Variants in LBHD2 observed in about 807,000 individuals in gnomAD.
The protein encoded by LBHD2 is LBH domain containing 2.
In LBHD2 at chr14:103,084,225, C is replaced by G. The variant is rs1207898092; in HGVS notation, c.-160C>G. The stretch of plus-strand genomic sequence containing the variant: ...AGAGCGAGCCGGGAGAGCGCGGAGC[C>G]AGCGGAGCGCGGAGGCCCCAGCGCC... On this transcript the variant is annotated 5_prime_UTR_variant, in exon 1 of 4. Transcript: ENST00000634353. 1 of 152,216 alleles carries G rather than the reference C, an allele frequency of 6.6e-6. No homozygotes were observed. The highest frequency in any genetic ancestry group is 1.5e-5 in the Non-Finnish European group (1 of 68,150). The allele number at this position is 152,216 out of a possible 1,614,324, so 9.4% of individuals were successfully genotyped here. A position where few individuals can be genotyped will look rare whatever the true frequency, so the allele number is the denominator to read the frequency against.
rs1026710985 is a variant in LBHD2 at position 103,085,992 on chromosome 14, T to C, written c.-21T>C. 8 of 398,506 alleles carry C rather than the reference T, an allele frequency of 2.0e-5. No homozygotes were observed. The highest frequency in any genetic ancestry group is 1.4e-4 in the African/African-American group (7 of 48,610). The allele number at this position is 398,506 out of a possible 1,614,324, so 24.7% of individuals were successfully genotyped here. On this transcript the variant is annotated 5_prime_UTR_variant, in exon 2 of 4. Transcript: ENST00000634353. ...TGCTCCCAGTCCTCGTGCAGCTTAG[T>C]GGCGCAGTGGCGGCAGCAGCATGAG... is the stretch of plus-strand genomic sequence containing the variant.
chr14:103,087,129 C>T (rs2139446413), intron 2 of LBHD2, among the ~76,000 whole-genome samples: 1 of 152,354 alleles, frequency 6.6e-6, no homozygotes, highest in Non-Finnish European at 1.5e-5. Flanking sequence ...GCTCTGCTGT[C>T]CTCTGACAGC....
At position 103,086,080 on chromosome 14, in the gene LBHD2, A is replaced by G; in HGVS notation, c.68A>G (p.Lys23Arg). Reference protein sequence around the residue: ...AAEGAGGPEGKAVAGAWEKGP... With the variant: ...AAEGAGGPEGRAVAGAWEKGP... ...GAGGGGGCTGGAGGCCCAGAAGGGA[A>G]GGTATGCGCTCGGGACCCTGGGGGG... is the stretch of plus-strand genomic sequence containing the variant. The change falls in exon 2 of 4, where the codon AAG (lysine) becomes AGG (arginine). Residue 23 changes from lysine to arginine, a missense_variant and splice_region_variant. Physicochemically the swap from Lys to Arg is conservative, Grantham distance 26. Transcript: ENST00000634353. 5.0e-6 allele frequency: 2 copies of G among 396,444 alleles called. No homozygotes were observed. Among genetic ancestry groups the G allele is most frequent in the South Asian group, 2.6e-4 (2 of 7,688 alleles). 24.6% of individuals were successfully genotyped at this position (396,444 alleles called of 1,614,324 possible).
At position 103,086,101 on chromosome 14, in the gene LBHD2, G is replaced by A. The variant is rs534209872; in HGVS notation, c.69+20G>A. 2.9e-3 allele frequency: 961 copies of A among 329,232 alleles called. 3 individuals are homozygous for A. The highest frequency in any genetic ancestry group is 4.4e-3 in the Non-Finnish European group (833 of 189,242). 20.4% of individuals were successfully genotyped at this position (329,232 alleles called of 1,614,324 possible). On this transcript the variant is annotated intron_variant, in intron 2 of 3. Coordinates refer to ENST00000634353, the MANE Select transcript of LBHD2 (RefSeq NM_001330236.2). ...GGGAAGGTATGCGCTCGGGACCCTG[G>A]GGGGGTCGGGAGGGAGCAAGCCTCA... is the stretch of plus-strand genomic sequence containing the variant.
chr14:103,086,398 C>G (rs2403126), intron 2 of LBHD2, among the ~76,000 whole-genome samples: 128,618 of 152,144 alleles, frequency 0.85, 54,954 homozygotes, highest in African/African-American at 0.96. Context: ...TTTTAGTAGA[C>G]TCGGGTTTCA....
intron 3 of LBHD2, among the ~76,000 whole-genome samples, chr14:103,089,191 T>C (rs1315129545): frequency 6.6e-6 from 1 of 151,788 alleles, no homozygotes; most frequent in Admixed American, 6.6e-5. Flanking sequence ...CCCCTGGGAG[T>C]CTATTCCCTG....
rs566148600 is a variant in LBHD2, at chr14:103,087,463, G to A, written c.70-622G>A. On this transcript the variant is annotated intron_variant, in intron 2 of 3. Coordinates refer to ENST00000634353, the MANE Select transcript of LBHD2 (RefSeq NM_001330236.2). The stretch of plus-strand genomic sequence containing the variant: ...ACAGGGCAGGCAAGTCAGGGCCACC[G>A]GGGCGCTGAGGGACAGAGTTCTGCA... Among the ~76,000 whole-genome samples the A allele has an allele frequency of 4.6e-5, 7 of 152,336 alleles. No homozygotes were observed. The East Asian group carries it at 7.7e-4, about 17-fold the overall frequency.
intron 1 of LBHD2, among the ~76,000 whole-genome samples, chr14:103,085,685 CT>C (rs1277618528): frequency 6.6e-6 from 1 of 152,234 alleles, no homozygotes; most frequent in Non-Finnish European, 1.5e-5. Flanking sequence ...CCCAGCTGGC[CT>C]AGCTACCTCC....
intron 1 of LBHD2, 112 bp from the exon 2 acceptor site, chr14:103,085,864 T>G (rs190963824): frequency 1.3e-5 from 5 of 395,818 alleles, no homozygotes; most frequent in African/African-American, 6.2e-5. Flanking sequence ...GCTGGAGCCA[T>G]GGGCACTGGG....
chr14:103,089,231 G>C (rs921703245), intron 3 of LBHD2, among the ~76,000 whole-genome samples: 1 of 152,138 alleles, frequency 6.6e-6, no homozygotes, highest in African/African-American at 2.4e-5. Flanking sequence ...CGCAGCTGGG[G>C]CCGCTCAGCA....
rs1889628642 is a variant in LBHD2, at chr14:103,086,078, G to A, written c.66G>A (p.Gly22=). Residue 22 remains glycine, a synonymous_variant, in exon 2 of 4, where the codon GGG becomes GGA. Transcript: ENST00000634353. The part of the protein sequence containing the change: ...GAAEGAGGPE[G]KAVAGAWEKG... ...CTGAGGGGGCTGGAGGCCCAGAAGG[G>A]AAGGTATGCGCTCGGGACCCTGGGG... is the stretch of plus-strand genomic sequence containing the variant. The A allele has an allele frequency of 2.5e-6, 1 of 396,802 alleles. No individual in the cohort carries two copies. Among genetic ancestry groups the A allele is most frequent in the African/African-American group, 2.1e-5 (1 of 48,446 alleles). The allele number at this position is 396,802 out of a possible 1,614,324, so 24.6% of individuals were successfully genotyped here. A position where few individuals can be genotyped will look rare whatever the true frequency, so the allele number is the denominator to read the frequency against.
At chr14:103,086,948 C>T (rs911492923) in intron 2 of LBHD2, among the ~76,000 whole-genome samples, 5 of 152,208 alleles carry the variant, frequency 3.3e-5, no homozygotes, top group Non-Finnish European at 5.9e-5. Flanking sequence ...GCCTGGACCT[C>T]GTTCACCCCA....
chr14:103,088,261 G>T lies in LBHD2; in HGVS notation c.226+20G>T. ...CTGCTGGTAAGTGAGGGTGCCTGTG[G>T]GGGTGCTGAGAGGAGGAAGTGGCCA... On this transcript the variant is annotated intron_variant, in intron 3 of 3. Transcript: ENST00000634353. 2.5e-6 allele frequency: 1 copy of T among 398,978 alleles called. No homozygotes were observed. The allele number at this position is 398,978 out of a possible 1,614,324, so 24.7% of individuals were successfully genotyped here.
Position 103,086,019 on chromosome 14 carries a change from AC to A in LBHD2, c.13del (p.Arg5GlyfsTer115), listed in dbSNP as rs1233865516. On this transcript the variant is annotated frameshift_variant, in exon 2 of 4. Transcript: ENST00000634353. LOFTEE classifies it high-confidence loss of function. MS[T>X]PRPAPPQPGA... The stretch of plus-strand genomic sequence containing the variant: ...GCGCAGTGGCGGCAGCAGCATGAGC[AC>A]CCCCCGGCCTGCTCCACCACAGCCA... 7.5e-6 allele frequency: 3 copies of A among 397,996 alleles called. No homozygotes were observed. The highest frequency in any genetic ancestry group is 1.3e-4 in the South Asian group (1 of 7,828). 24.7% of individuals were successfully genotyped at this position (397,996 alleles called of 1,614,324 possible). A position where few individuals can be genotyped will look rare whatever the true frequency, so the allele number is the denominator to read the frequency against.
chr14:103,086,099 T>TG lies in LBHD2; in HGVS notation c.69+25dup, dbSNP rs139585272. On this transcript the variant is annotated intron_variant, in intron 2 of 3. Transcript: ENST00000634353. ...AAGGGAAGGTATGCGCTCGGGACCC[T>TG]GGGGGGGTCGGGAGGGAGCAAGCCT... 6 of 398,094 alleles carry TG rather than the reference T, an allele frequency of 1.5e-5. No individual in the cohort carries two copies. Among genetic ancestry groups the TG allele is most frequent in the Admixed American group, 4.4e-5 (1 of 22,684 alleles). 24.7% of individuals were successfully genotyped at this position (398,094 alleles called of 1,614,324 possible). A position where few individuals can be genotyped will look rare whatever the true frequency, so the allele number is the denominator to read the frequency against.
Position 103,085,129 on chromosome 14 carries a change from G to C in LBHD2, c.-38+782G>C, listed in dbSNP as rs1160591206. 3.9e-5 allele frequency among the ~76,000 whole-genome samples: 6 copies of C among 152,122 alleles called. No homozygotes were observed. The South Asian group carries it at 1.0e-3, about 26-fold the overall frequency. ...ATAGCAGCCCTCTGCTTTGCTGGCG[G>C]CCACAGGACCACCCTCACCCACCCC... On this transcript the variant is annotated intron_variant, in intron 1 of 3. Coordinates refer to ENST00000634353, the MANE Select transcript of LBHD2 (RefSeq NM_001330236.2).
chr14:103,084,836 C>T (rs1889613448), intron 1 of LBHD2, among the ~76,000 whole-genome samples: 1 of 152,154 alleles, frequency 6.6e-6, no homozygotes, highest in South Asian at 2.1e-4. Context: ...GGGTCTCTGT[C>T]CTGGCTGCCC....
rs533740724 is a variant in LBHD2, at chr14:103,089,569, A to G, written c.227-128A>G. The G allele has an allele frequency of 1.8e-3, 724 of 397,552 alleles. 4 individuals are homozygous for G. The highest frequency in any genetic ancestry group is 0.014 in the African/African-American group (694 of 48,696). 24.6% of individuals were successfully genotyped at this position (397,552 alleles called of 1,614,324 possible). A position where few individuals can be genotyped will look rare whatever the true frequency, so the allele number is the denominator to read the frequency against. On this transcript the variant is annotated intron_variant, in intron 3 of 3. Coordinates refer to ENST00000634353, the MANE Select transcript of LBHD2 (RefSeq NM_001330236.2). ...TGGCCGAGCACCCCTCCCGCTTCTC[A>G]TCACCCGAGGGGACCTCCTGGCCTG...
At chr14:103,087,783 C>T (rs115348346) in intron 2 of LBHD2, among the ~76,000 whole-genome samples, 2,324 of 152,272 alleles carry the variant, frequency 0.015, 57 homozygotes, top group African/African-American at 0.054. Flanking sequence ...CTTGGCCTCT[C>T]CGGCCTCAGG....
Sources: allele counts gnomAD v4.1 joint callset (sites outside exome capture counted in the v4.1 genomes callset), GRCh38; gene constraint gnomAD v4.1.1; transcripts MANE v1.5; gene names NCBI Gene and HGNC (gene_info 2026-07-23, HGNC 2026-07-21).